ERMP1: variants seen among roughly 807,000 people sequenced by gnomAD.
The protein encoded by ERMP1 is endoplasmic reticulum metallopeptidase 1, also known as Felix-ina.
In ERMP1, 86 loss-of-function variants were observed where a neutral mutation model predicts 92.0. The ratio of observed to expected loss-of-function variants is 0.93; its 90% CI spans 0.79 to 1.12. The LOEUF is 1.12. Ranked by LOEUF, ERMP1 falls within the 50% of genes most tolerant of loss-of-function variation. The probability of loss-of-function intolerance (pLI) is 0.00; values close to 1 mark genes in which losing one functional copy is unlikely to be tolerated. For missense variants in ERMP1, 1,342 were observed against 1,116.3 expected (o/e 1.20, Z -2.88); for synonymous variants, 530 against 412.8 (o/e 1.28, Z -3.44).
At chr9:5,819,284 A>AT (rs1323067297) in intron 4 of ERMP1, among the ~76,000 whole-genome samples, 11 of 152,238 alleles carry the variant, frequency 7.2e-5, no homozygotes, top group African/African-American at 2.7e-4. Flanking sequence ...GAACCTTGTG[A>AT]AAGCTGTCAG....
chr9:5,832,455 T>C, intron 1 of ERMP1: 1 of 456,136 alleles, frequency 2.2e-6, no homozygotes, highest in Non-Finnish European at 3.8e-6. Context: ...TCAATCTACC[T>C]GGCAACCCCA....
intron 13 of ERMP1, among the ~76,000 whole-genome samples, chr9:5,792,303 A>T (rs1026284865): frequency 3.9e-5 from 6 of 152,250 alleles, no homozygotes; most frequent in African/African-American, 1.4e-4. Flanking sequence ...TTGAAAGATA[A>T]ACTGGCAGCA....
Position 5,810,175 on chromosome 9 carries a change from A to G in ERMP1, c.1384T>C (p.Phe462Leu). Residue 462 changes from phenylalanine to leucine, a missense_variant, in exon 8 of 15, where the codon TTC (phenylalanine) becomes CTC (leucine). Physicochemically the swap from Phe to Leu is conservative, Grantham distance 22. Coordinates refer to ENST00000339450, the MANE Select transcript of ERMP1 (RefSeq NM_024896.3). ...ATGAGAACGGTAACAAGGCTAGTGA[A>G]CCAGCTGATCAAAGTGATGCCAAGT... ...CGLGITLISW[F>L]TSLVTVLIIA... 6.2e-7 allele frequency: 1 copy of G among 1,614,140 alleles called. No individual in the cohort carries two copies. The highest frequency in any genetic ancestry group is 8.5e-7 in the Non-Finnish European group (1 of 1,180,020).
intron 13 of ERMP1, among the ~76,000 whole-genome samples, chr9:5,793,022 T>C (rs1246654049): frequency 1.3e-5 from 2 of 152,100 alleles, no homozygotes; most frequent in Non-Finnish European, 2.9e-5. Context: ...TTCAAAATAA[T>C]AGCAACAATG....
Position 5,785,879 on chromosome 9 carries a change from C to T in ERMP1, c.*1265G>A, listed in dbSNP as rs989214806. ...CCTAATGATAAAAAGAAAGCTTGCACAGTTTACCATTGATCTCACCAATGC... is the reference window on the plus strand; with the variant it reads ...CCTAATGATAAAAAGAAAGCTTGCATAGTTTACCATTGATCTCACCAATGC... On this transcript the variant is annotated 3_prime_UTR_variant, in exon 15 of 15. Coordinates refer to ENST00000339450, the MANE Select transcript of ERMP1 (RefSeq NM_024896.3). 6.6e-6 allele frequency: 1 copy of T among 152,194 alleles called. No homozygotes were observed. The highest frequency in any genetic ancestry group is 1.5e-5 in the Non-Finnish European group (1 of 68,036). The allele number at this position is 152,194 out of a possible 1,614,324, so 9.4% of individuals were successfully genotyped here. A position where few individuals can be genotyped will look rare whatever the true frequency, so the allele number is the denominator to read the frequency against.
intron 10 of ERMP1, among the ~76,000 whole-genome samples, chr9:5,802,934 G>A (rs922840641): frequency 1.3e-5 from 2 of 152,074 alleles, no homozygotes; most frequent in Non-Finnish European, 2.9e-5. Flanking sequence ...CAGGAAGGCC[G>A]AGGCACGAGA....
At chr9:5,853,070 T>C (rs1410752089) in intron 6 of ERMP1, among the ~76,000 whole-genome samples, 1 of 151,978 alleles carries the variant, frequency 6.6e-6, no homozygotes, top group East Asian at 1.9e-4. Context: ...GGGTGAAAAA[T>C]TGTAGGAAAG....
intron 13 of ERMP1, among the ~76,000 whole-genome samples, chr9:5,796,268 GA>G (rs1828420469): frequency 6.6e-6 from 1 of 152,200 alleles, no homozygotes; most frequent in Admixed American, 6.5e-5. Flanking sequence ...AGAAGAGTTG[GA>G]AGACTGATAC....
At position 5,784,942 on chromosome 9, in the gene ERMP1, A is replaced by G. The variant is rs899471329; in HGVS notation, c.*2202T>C. On this transcript the variant is annotated 3_prime_UTR_variant, in exon 15 of 15. Coordinates refer to ENST00000339450, the MANE Select transcript of ERMP1 (RefSeq NM_024896.3). ...GCTTGAAAAGACCCTTTTAGAAATTATTTAAATGATCACTCTTTAAAAATT... is the reference window on the plus strand; with the variant it reads ...GCTTGAAAAGACCCTTTTAGAAATTGTTTAAATGATCACTCTTTAAAAATT... 3.3e-5 allele frequency: 5 copies of G among 152,194 alleles called. No homozygotes were observed. The highest frequency in any genetic ancestry group is 5.9e-5 in the Non-Finnish European group (4 of 68,006). The allele number at this position is 152,194 out of a possible 1,614,324, so 9.4% of individuals were successfully genotyped here.
intron 6 of ERMP1, among the ~76,000 whole-genome samples, chr9:5,858,748 G>A (rs761626587): frequency 1.9e-3 from 285 of 152,200 alleles, no homozygotes; most frequent in Non-Finnish European, 3.3e-3. Flanking sequence ...TCTGAGGTCA[G>A]AGAAATGTTC....
chr9:5,787,659 C>G (rs1828001540), intron 13 of ERMP1, 66 bp from the exon 14 acceptor site: 1 of 1,482,914 alleles, frequency 6.7e-7, no homozygotes, highest in Non-Finnish European at 9.2e-7. Flanking sequence ...AACCCACAAT[C>G]CAAACCAGAC....
chr9:5,787,402 G>T, intron 14 of ERMP1, 28 bp downstream of exon 14: 1 of 1,608,974 alleles, frequency 6.2e-7, no homozygotes, highest in Admixed American at 1.7e-5. Flanking sequence ...CCTAATCAAT[G>T]AAACAAACAA....
chr9:5,794,130 T>G (rs558721401), intron 13 of ERMP1, among the ~76,000 whole-genome samples: 2 of 152,074 alleles, frequency 1.3e-5, no homozygotes, highest in East Asian at 3.9e-4. Flanking sequence ...AAATCAATTA[T>G]CAGAAAAATA....
At chr9:5,812,261 G>T in intron 5 of ERMP1, 44 bp from the exon 6 acceptor site, 1 of 1,190,376 alleles carries the variant, frequency 8.4e-7, no homozygotes, top group Non-Finnish European at 1.2e-6. Context: ...TTGCTTTAAA[G>T]ATCAACCTTG....
At chr9:5,855,136 A>T (rs763248464) in intron 6 of ERMP1, among the ~76,000 whole-genome samples, 1 of 152,222 alleles carries the variant, frequency 6.6e-6, no homozygotes, top group Admixed American at 6.5e-5. Flanking sequence ...TTATTTAATA[A>T]CTTAAATGTA....
rs749739959 is a variant in ERMP1, at chr9:5,798,899, A to G, written c.2177T>C (p.Ile726Thr). The change falls in exon 12 of 15, where the codon ATT (isoleucine) becomes ACT (threonine). Residue 726 changes from isoleucine to threonine, a missense_variant. By Grantham distance (89) the Ile-to-Thr change is moderately conservative. Coordinates refer to ENST00000339450, the MANE Select transcript of ERMP1 (RefSeq NM_024896.3). ...YTGISHITPH[I>T]PEINDSIRAH... is the part of the protein sequence containing the mutation. ...TCGGATACTATCATTGATCTCAGGA[A>G]TGTGAGGGGTTATGTGAGAAATTCC... 6.2e-7 allele frequency: 1 copy of G among 1,612,788 alleles called. No individual in the cohort carries two copies. Among genetic ancestry groups the G allele is most frequent in the Admixed American group, 1.7e-5 (1 of 60,032 alleles).
intron 4 of ERMP1, among the ~76,000 whole-genome samples, chr9:5,822,087 C>T (rs973563853): frequency 2.6e-5 from 4 of 151,798 alleles, no homozygotes; most frequent in Non-Finnish European, 5.9e-5. Flanking sequence ...AACCCCATCT[C>T]TACAAAAAAA....
At chr9:5,827,602 C>A (rs900481052) in intron 2 of ERMP1, among the ~76,000 whole-genome samples, 7 of 152,180 alleles carry the variant, frequency 4.6e-5, no homozygotes, top group African/African-American at 1.7e-4. Flanking sequence ...TGGCTCACAC[C>A]TGTAATCCCA....
In ERMP1 at chr9:5,832,960, G is replaced by A. The variant is rs865822475; in HGVS notation, c.68C>T (p.Ala23Val). 2.6e-6 allele frequency: 4 copies of A among 1,564,894 alleles called. No individual in the cohort carries two copies. Among genetic ancestry groups the A allele is most frequent in the African/African-American group, 1.4e-5 (1 of 70,900 alleles). Residue 23 changes from alanine to valine, a missense_variant, in exon 1 of 15, where the codon GCG becomes GTG. By Grantham distance (64) the Ala-to-Val change is moderately conservative (BLOSUM62 0). Coordinates refer to ENST00000339450, the MANE Select transcript of ERMP1 (RefSeq NM_024896.3). Reference protein sequence around the residue: ...HRVGVERREGAAAAPPPEREA... With the variant: ...HRVGVERREGVAAAPPPEREA... ...CCTCTCCGGCGGTGGCGCGGCCGCCGCTCCCTCTCGACGCTCTACTCCGAC... is the reference window on the plus strand; with the variant it reads ...CCTCTCCGGCGGTGGCGCGGCCGCCACTCCCTCTCGACGCTCTACTCCGAC...
Sources: gnomAD v4.1 joint callset for allele counts (sites outside exome capture counted in the v4.1 genomes callset) on GRCh38, gnomAD v4.1.1 for gene constraint, MANE v1.5 for transcripts, NCBI Gene and HGNC (gene_info 2026-07-23, HGNC 2026-07-21) for gene names.